Variants in TP63 observed in about 807,000 individuals in gnomAD.
TP63 encodes tumor protein 63.
In TP63, 17 loss-of-function variants were observed where a neutral mutation model predicts 82.8. That is an observed-to-expected ratio of 0.21 (90% CI 0.14 to 0.31). The LOEUF (loss-of-function observed/expected upper bound fraction) is 0.31, where lower values mean the gene tolerates loss of function less well. Among genes scored for constraint, TP63 ranks in the 10% least tolerant of loss-of-function variants. TP63 has a pLI of 1.00. For missense variants in TP63, 648 were observed against 895.3 expected, an observed-to-expected ratio of 0.72 and a Z score of 3.52; for synonymous variants, 330 against 321.7, an observed-to-expected ratio of 1.03 and a Z score of -0.28.
intron 1 of TP63, among the ~76,000 whole-genome samples, chr3:189,713,464 A>T (rs1337611813): frequency 2.0e-5 from 3 of 152,152 alleles, no homozygotes; most frequent in African/African-American, 7.2e-5. Flanking sequence ...AAACGAGTTC[A>T]TCTTATTCCA....
chr3:189,801,163 A>G (rs1726267199), intron 3 of TP63, among the ~76,000 whole-genome samples: 2 of 152,176 alleles, frequency 1.3e-5, no homozygotes, highest in African/African-American at 4.8e-5. Context: ...GCAGTATGGT[A>G]TGCTTAACAT....
intron 6 of TP63, among the ~76,000 whole-genome samples, chr3:189,867,070 G>A (rs1158789511): frequency 6.6e-6 from 1 of 152,198 alleles, no homozygotes; most frequent in Non-Finnish European, 1.5e-5. Flanking sequence ...GCAATTGGGT[G>A]TATACATGAG....
intron 3 of TP63, among the ~76,000 whole-genome samples, chr3:189,787,090 G>A (rs1387411056): frequency 2.0e-5 from 3 of 151,956 alleles, no homozygotes; most frequent in Admixed American, 6.6e-5. Flanking sequence ...AACTATTAGC[G>A]AATTTTTCAT....
intron 4 of TP63, among the ~76,000 whole-genome samples, chr3:189,838,399 C>T (rs368286767): frequency 6.6e-6 from 1 of 152,176 alleles, no homozygotes; most frequent in Non-Finnish European, 1.5e-5. Context: ...GTGTTACATT[C>T]TTTTCCGTGT....
At chr3:189,851,703 C>T (rs1715655444) in intron 4 of TP63, among the ~76,000 whole-genome samples, 1 of 152,120 alleles carries the variant, frequency 6.6e-6, no homozygotes. Flanking sequence ...GCCTCATCTA[C>T]CTGATAGTTG....
chr3:189,599,943 G>A, the TP63 span, among the ~76,000 whole-genome samples: 4 of 151,980 alleles, frequency 2.6e-5, no homozygotes, highest in African/African-American at 9.7e-5. Context: ...ATGCTCTGTG[G>A]GATCTTTTCA....
chr3:189,634,744 G>A (rs923323781), intron 1 of TP63, among the ~76,000 whole-genome samples: 1 of 151,982 alleles, frequency 6.6e-6, no homozygotes, highest in Non-Finnish European at 1.5e-5. Flanking sequence ...CAATAAATAA[G>A]TCAGTGGGTT....
intron 3 of TP63, among the ~76,000 whole-genome samples, chr3:189,775,243 GAAAGA>G (rs1268110902): frequency 4.7e-4 from 51 of 107,410 alleles, no homozygotes; most frequent in African/African-American, 1.7e-3. Flanking sequence ...AAAAAAAAAA[GAAAGA>G]AAGAAAGAAA....
At chr3:189,732,527 G>A (rs1220654370) in intron 1 of TP63, among the ~76,000 whole-genome samples, 1 of 152,190 alleles carries the variant, frequency 6.6e-6, no homozygotes, top group African/African-American at 2.4e-5. Flanking sequence ...TGTCCTGGAT[G>A]CAAACGATGT....
intron 4 of TP63, among the ~76,000 whole-genome samples, chr3:189,831,409 A>T (rs989256178): frequency 6.6e-6 from 1 of 152,140 alleles, no homozygotes; most frequent in Non-Finnish European, 1.5e-5. Flanking sequence ...CTTTTTAAAT[A>T]CTGATTTTAT....
intron 7 of TP63, 48 bp from the exon 8 acceptor site, chr3:189,868,532 A>G (rs779319876): frequency 6.2e-7 from 1 of 1,610,254 alleles, no homozygotes. Context: ...GGGGACTTTC[A>G]AAATGCTTTG....
chr3:189,856,705 A>G (rs1716334540), intron 4 of TP63, among the ~76,000 whole-genome samples: 1 of 152,090 alleles, frequency 6.6e-6, no homozygotes, highest in South Asian at 2.1e-4. Context: ...AATTAGGTAT[A>G]AATACATGAC....
At chr3:189,647,491 C>T (rs761766931) in intron 1 of TP63, among the ~76,000 whole-genome samples, 2 of 146,958 alleles carry the variant, frequency 1.4e-5, no homozygotes, top group Non-Finnish European at 3.0e-5. Context: ...CCTCTGGTGC[C>T]TTCTTCAGTC....
rs1382723731 is a variant in TP63, at chr3:189,873,039, G to A, written c.1349+44G>A. The A allele has an allele frequency of 3.7e-6, 6 of 1,613,726 alleles. No individual in the cohort carries two copies. In the East Asian group the frequency reaches 8.9e-5, roughly 24 times the overall value. ...CATTTTAGGAGGCATGAGTGAGGGT[G>A]ACTTTATTTGGATCAGCAATAGGGT... On this transcript the variant is annotated intron_variant, in intron 10 of 13. Coordinates refer to ENST00000264731, the MANE Select transcript of TP63 (RefSeq NM_003722.5).
chr3:189,746,846 A>C (rs1031894196), intron 3 of TP63, among the ~76,000 whole-genome samples: 2 of 151,034 alleles, frequency 1.3e-5, no homozygotes, highest in Non-Finnish European at 3.0e-5. Context: ...TATGAAACTC[A>C]TCTCGCCTGG....
intron 3 of TP63, among the ~76,000 whole-genome samples, chr3:189,776,576 C>T (rs1723821895): frequency 6.6e-6 from 1 of 152,104 alleles, no homozygotes; most frequent in Admixed American, 6.5e-5. Context: ...AAAGCCAGCC[C>T]CTGCTGGGTT....
the TP63 span, among the ~76,000 whole-genome samples, chr3:189,611,260 G>A: frequency 6.6e-6 from 1 of 151,988 alleles, no homozygotes; most frequent in Non-Finnish European, 1.5e-5. Context: ...TGTCTTCCAG[G>A]GTTTTTATAG....
At chr3:189,725,674 T>C (rs891989462) in intron 1 of TP63, among the ~76,000 whole-genome samples, 1 of 151,918 alleles carries the variant, frequency 6.6e-6, no homozygotes, top group Non-Finnish European at 1.5e-5. Context: ...CTTCGGAATG[T>C]GAGTGTGTGA....
chr3:189,736,222 C>G (rs1178152808), intron 1 of TP63, among the ~76,000 whole-genome samples: 1 of 150,942 alleles, frequency 6.6e-6, no homozygotes, highest in Non-Finnish European at 1.5e-5. Flanking sequence ...CTCTGTCTCT[C>G]TCACCATAAG....
Sources: allele counts gnomAD v4.1 joint callset (sites outside exome capture counted in the v4.1 genomes callset), GRCh38; gene constraint gnomAD v4.1.1; transcripts MANE v1.5; gene names NCBI Gene and HGNC (gene_info 2026-07-23, HGNC 2026-07-21).